The following AGTR1 variants were observed in gnomAD, a reference collection of about 807,000 sequenced individuals.
AGTR1 encodes angiotensin II receptor type 1.
Under a neutral mutation model 19.4 loss-of-function variants are expected in AGTR1, and 16 were observed. The ratio of observed to expected loss-of-function variants is 0.82; its 90% CI spans 0.56 to 1.25. The LOEUF (loss-of-function observed/expected upper bound fraction) is 1.25, where lower values mean the gene tolerates loss of function less well. Among genes scored for constraint, AGTR1 ranks in the 50% most tolerant of loss-of-function variants. The probability of loss-of-function intolerance (pLI) is 0.00; values close to 1 mark genes in which losing one functional copy is unlikely to be tolerated. For missense variants in AGTR1, 373 were observed against 431.9 expected, an observed-to-expected ratio of 0.86 and a Z score of 1.21; for synonymous variants, 153 against 154.9, an observed-to-expected ratio of 0.99 and a Z score of 0.09.
rs1020848540 is a variant in AGTR1 at position 148,742,010 on chromosome 3, A to C, written c.975A>C (p.Lys325Asn). 2 of 1,613,754 alleles carry C rather than the reference A, an allele frequency of 1.2e-6. No individual in the cohort carries two copies. The highest frequency in any genetic ancestry group is 2.7e-5 in the African/African-American group (2 of 74,852). ...QLLKYIPPKA[K>N]SHSNLSTKMS... ...TAAAATATATTCCCCCAAAAGCCAA[A>C]TCCCACTCAAACCTTTCAACAAAAA... Residue 325 changes from lysine to asparagine, a missense_variant, in exon 3 of 3, where the codon AAA becomes AAC. Lys to Asn is a moderately conservative substitution (Grantham distance 94). Coordinates refer to ENST00000349243, the MANE Select transcript of AGTR1 (RefSeq NM_000685.5).
At chr3:148,734,936 A>G (rs776174677) in intron 2 of AGTR1, among the ~76,000 whole-genome samples, 9 of 152,232 alleles carry the variant, frequency 5.9e-5, no homozygotes, top group Non-Finnish European at 1.2e-4. Flanking sequence ...GGGCAACCTC[A>G]GTAGAGATGA....
chr3:148,721,565 G>T (rs997745447), intron 2 of AGTR1, among the ~76,000 whole-genome samples: 1 of 152,170 alleles, frequency 6.6e-6, no homozygotes, highest in Middle Eastern at 3.2e-3. Context: ...ATCCCTGGAG[G>T]ATAGGAAACA....
chr3:148,737,672 T>C (rs1025596429), intron 2 of AGTR1, among the ~76,000 whole-genome samples: 1 of 152,238 alleles, frequency 6.6e-6, no homozygotes, highest in Non-Finnish European at 1.5e-5. Flanking sequence ...TACTTCCTTG[T>C]GCTTCCTTCC....
At chr3:148,714,269 A>C (rs540940575) in intron 2 of AGTR1, among the ~76,000 whole-genome samples, 1 of 152,312 alleles carries the variant, frequency 6.6e-6, no homozygotes, top group East Asian at 1.9e-4. Context: ...CAATCACGTA[A>C]AATTTATAAT....
At chr3:148,731,233 A>T (rs1377401151) in intron 2 of AGTR1, 1 of 152,168 alleles carries the variant, frequency 6.6e-6, no homozygotes, top group Non-Finnish European at 1.5e-5. Context: ...GTATTAGTGA[A>T]CTACAGAAAA....
At chr3:148,740,952 A>G (rs1714835727) in intron 2 of AGTR1, 37 bp from the exon 3 acceptor site, 3 of 1,557,310 alleles carry the variant, frequency 1.9e-6, no homozygotes, top group Admixed American at 3.5e-5. Flanking sequence ...TTACAATAAG[A>G]ATTTTTTCTT....
chr3:148,706,213 A>T (rs1559922267), intron 1 of AGTR1, among the ~76,000 whole-genome samples: 1 of 150,884 alleles, frequency 6.6e-6, no homozygotes, highest in African/African-American at 2.4e-5. Context: ...CCTTTCTGTC[A>T]TTTTTTTTTC....
chr3:148,729,936 T>A (rs1714159870), intron 2 of AGTR1, among the ~76,000 whole-genome samples: 1 of 152,180 alleles, frequency 6.6e-6, no homozygotes, highest in Non-Finnish European at 1.5e-5. Context: ...GCACCACGTG[T>A]AGTTTCCCAA....
chr3:148,699,068 T>G (rs1223805668), intron 1 of AGTR1, among the ~76,000 whole-genome samples: 1 of 152,144 alleles, frequency 6.6e-6, no homozygotes, highest in Non-Finnish European at 1.5e-5. Context: ...ATAGCCTCGT[T>G]AAGTATTAAA....
At chr3:148,735,604 T>C (rs1186982529) in intron 2 of AGTR1, among the ~76,000 whole-genome samples, 1 of 152,064 alleles carries the variant, frequency 6.6e-6, no homozygotes, top group African/African-American at 2.4e-5. Context: ...AAAGAAGAAG[T>C]AGACTTCGTA....
intron 2 of AGTR1, among the ~76,000 whole-genome samples, chr3:148,719,410 T>G (rs1389886137): frequency 2.0e-5 from 3 of 152,208 alleles, no homozygotes; most frequent in Non-Finnish European, 4.4e-5. Context: ...GTAAGAAGTC[T>G]GGATCTGTAT....
intron 2 of AGTR1, among the ~76,000 whole-genome samples, chr3:148,730,869 G>A (rs987200152): frequency 2.0e-5 from 3 of 152,134 alleles, no homozygotes; most frequent in Non-Finnish European, 2.9e-5. Flanking sequence ...CCAACTAGGG[G>A]ACGTCTGTGA....
At position 148,741,113 on chromosome 3, in the gene AGTR1, C is replaced by T; in HGVS notation, c.78C>T (p.Tyr26=). Residue 26 remains tyrosine (Y), a synonymous_variant, in exon 3 of 3, where the codon TAC becomes TAT. Transcript: ENST00000349243. The stretch of plus-strand genomic sequence containing the variant: ...GTCCCAAAGCTGGAAGGCATAATTA[C>T]ATATTTGTCATGATTCCTACTTTAT... ...DDCPKAGRHN[Y]IFVMIPTLYS... 3.7e-6 allele frequency: 6 copies of T among 1,614,118 alleles called. No individual in the cohort carries two copies. Among genetic ancestry groups the T allele is most frequent in the Non-Finnish European group, 5.1e-6 (6 of 1,180,004 alleles).
chr3:148,732,867 A>C (rs1714356223), intron 2 of AGTR1, among the ~76,000 whole-genome samples: 2 of 148,380 alleles, frequency 1.3e-5, no homozygotes, highest in South Asian at 4.3e-4. Flanking sequence ...CAGCCTCCCA[A>C]GTAGCTGGGA....
intron 2 of AGTR1, among the ~76,000 whole-genome samples, chr3:148,726,700 G>C (rs913484566): frequency 6.6e-6 from 1 of 151,988 alleles, no homozygotes; most frequent in Non-Finnish European, 1.5e-5. Context: ...AATTATGCGG[G>C]AAAGGCTGTG....
chr3:148,729,490 C>T (rs1370208871), intron 2 of AGTR1, among the ~76,000 whole-genome samples: 3 of 152,174 alleles, frequency 2.0e-5, no homozygotes, highest in African/African-American at 7.2e-5. Flanking sequence ...TCAGACAGCA[C>T]ACAACTACTG....
intron 2 of AGTR1, among the ~76,000 whole-genome samples, chr3:148,726,758 T>A (rs1350171969): frequency 1.3e-5 from 2 of 152,204 alleles, no homozygotes; most frequent in Non-Finnish European, 2.9e-5. Context: ...ACCTTTTAAA[T>A]GACCTTGTTT....
chr3:148,734,423 G>A (rs1714454613), intron 2 of AGTR1, among the ~76,000 whole-genome samples: 1 of 152,118 alleles, frequency 6.6e-6, no homozygotes, highest in African/African-American at 2.4e-5. Flanking sequence ...TAATAAAGCA[G>A]CTTGCCTTGT....
chr3:148,742,330 A>AGAT lies in AGTR1; in HGVS notation c.*218_*220dup. ...AGCAAAGCCACATTTTGCATTAGAC[A>AGAT]GATGACGGCTGCTCGAAGAACAATG... On this transcript the variant is annotated 3_prime_UTR_variant, in exon 3 of 3. Transcript: ENST00000349243. 3 of 704,572 alleles carry AGAT rather than the reference A, an allele frequency of 4.3e-6. No homozygotes were observed. The South Asian group carries it at 4.7e-5, about 11-fold the overall frequency. 43.6% of individuals were successfully genotyped at this position (704,572 alleles called of 1,614,324 possible).
Sources: allele counts gnomAD v4.1 joint callset (sites outside exome capture counted in the v4.1 genomes callset), GRCh38; gene constraint gnomAD v4.1.1; transcripts MANE v1.5; gene names NCBI Gene and HGNC (gene_info 2026-07-23, HGNC 2026-07-21).